Variants in CACNB2 observed in about 807,000 individuals in gnomAD.
CACNB2 encodes the protein calcium voltage-gated channel auxiliary subunit beta 2.
CACNB2 carries 42 observed loss-of-function variants against 73.3 expected under a neutral mutation model. The observed-to-expected ratio is 0.57, with a 90% CI of 0.45 to 0.74. The LOEUF is 0.74. Among genes scored for constraint, CACNB2 ranks in the 30% least tolerant of loss-of-function variants. The pLI is 0.00. For missense variants in CACNB2, 940 were observed against 853.0 expected (o/e 1.10, Z -1.27); for synonymous variants, 348 against 310.3 (o/e 1.12, Z -1.28).
intron 2 of CACNB2, among the ~76,000 whole-genome samples, chr10:18,324,820 C>T (rs1478308232): frequency 1.3e-5 from 2 of 152,206 alleles, no homozygotes; most frequent in African/African-American, 2.4e-5. Flanking sequence ...TGTGCCATTG[C>T]ACCCCAGCCT....
chr10:18,401,242 C>T (rs1391725665), intron 2 of CACNB2: 1 of 1,037,726 alleles, frequency 9.6e-7, no homozygotes, highest in Non-Finnish European at 1.4e-6. Flanking sequence ...GGAGATTCCT[C>T]TCATTTTTTG....
intron 3 of CACNB2, among the ~76,000 whole-genome samples, chr10:18,407,222 A>G (rs1224779888): frequency 7.0e-6 from 1 of 143,172 alleles, no homozygotes; most frequent in Non-Finnish European, 1.5e-5. Flanking sequence ...CCCGGGTTCA[A>G]GCGATTCTCA....
intron 2 of CACNB2, among the ~76,000 whole-genome samples, chr10:18,355,636 T>TA (rs2041875961): frequency 1.3e-5 from 2 of 151,778 alleles, no homozygotes; most frequent in Non-Finnish European, 1.5e-5. Context: ...TTCTCTTTTT[T>TA]TTTTTTTTTT....
chr10:18,445,201 G>A (rs1178142062), intron 3 of CACNB2, among the ~76,000 whole-genome samples: 4 of 152,102 alleles, frequency 2.6e-5, no homozygotes, highest in African/African-American at 7.2e-5. Flanking sequence ...GGGGGAATTT[G>A]AACACATCTG....
At chr10:18,160,519 T>C (rs1017757269) in intron 2 of CACNB2, among the ~76,000 whole-genome samples, 2 of 152,150 alleles carry the variant, frequency 1.3e-5, no homozygotes, top group Non-Finnish European at 2.9e-5. Context: ...CCTTACTAGA[T>C]TGGTTGAAAG....
Position 18,220,222 on chromosome 10 carries a change from TATATATATATAGAGAGAGAGAG to T in CACNB2, c.213+69249_213+69270del, listed in dbSNP as rs1354495945. ...GTGTGTATATATATATATATATATATATATATATATAGAGAGAGAGAGAGAGAGAGAGAGAGAGAGAGAGAGA... is the reference window on the plus strand; with the variant it reads ...GTGTGTATATATATATATATATATATAGAGAGAGAGAGAGAGAGAGAGAGA... On this transcript the variant is annotated intron_variant, in intron 2 of 13. Coordinates refer to ENST00000324631, the MANE Select transcript of CACNB2 (RefSeq NM_201596.3). 1.9e-4 allele frequency among the ~76,000 whole-genome samples: 9 copies of T among 48,262 alleles called. No homozygotes were observed. The Admixed American group carries it at 2.0e-3, about 11-fold the overall frequency. 31.7% of individuals were successfully genotyped at this position (48,262 alleles called of 152,430 possible). A position where few individuals can be genotyped will look rare whatever the true frequency, so the allele number is the denominator to read the frequency against.
intron 2 of CACNB2, among the ~76,000 whole-genome samples, chr10:18,246,386 C>G (rs536930666): frequency 6.6e-6 from 1 of 151,962 alleles, no homozygotes; most frequent in Non-Finnish European, 1.5e-5. Flanking sequence ...GGATAAGGCT[C>G]CTAGTTCTCT....
At chr10:18,188,832 A>T (rs2131255625) in intron 2 of CACNB2, among the ~76,000 whole-genome samples, 1 of 152,314 alleles carries the variant, frequency 6.6e-6, no homozygotes, top group African/African-American at 2.4e-5. Flanking sequence ...TAGTGAGATC[A>T]CCACTGTTAA....
intron 2 of CACNB2, among the ~76,000 whole-genome samples, chr10:18,366,910 T>A (rs1476304851): frequency 6.6e-6 from 1 of 152,240 alleles, no homozygotes; most frequent in Non-Finnish European, 1.5e-5. Context: ...GAGCCTATTT[T>A]AAGAGCATTG....
At chr10:18,531,509 T>G (rs1056834683) in intron 10 of CACNB2, among the ~76,000 whole-genome samples, 51 of 152,202 alleles carry the variant, frequency 3.4e-4, no homozygotes, top group Admixed American at 2.2e-3. Context: ...ATGATTTATA[T>G]TTCTTTGGGT....
chr10:18,371,966 T>C (rs2042603902), intron 2 of CACNB2, among the ~76,000 whole-genome samples: 1 of 152,244 alleles, frequency 6.6e-6, no homozygotes, highest in Non-Finnish European at 1.5e-5. Flanking sequence ...ATGATGAGCA[T>C]TTTTTCATGT....
At chr10:18,173,081 T>G (rs1181717435) in intron 2 of CACNB2, among the ~76,000 whole-genome samples, 1 of 151,948 alleles carries the variant, frequency 6.6e-6, no homozygotes, top group Admixed American at 6.6e-5. Context: ...CAACCATGAC[T>G]GGCTAATTTT....
chr10:18,471,167 A>G (rs1038387471), intron 3 of CACNB2, among the ~76,000 whole-genome samples: 1 of 152,200 alleles, frequency 6.6e-6, no homozygotes, highest in South Asian at 2.1e-4. Flanking sequence ...TTAGCTGGGC[A>G]TGGTGGCGGG....
At chr10:18,394,825 T>C (rs891837166) in intron 2 of CACNB2, among the ~76,000 whole-genome samples, 4 of 152,226 alleles carry the variant, frequency 2.6e-5, no homozygotes, top group Non-Finnish European at 4.4e-5. Flanking sequence ...TTATCCTCAT[T>C]ATGAGTATAA....
chr10:18,269,902 T>C (rs570281600), intron 2 of CACNB2, among the ~76,000 whole-genome samples: 7 of 152,348 alleles, frequency 4.6e-5, no homozygotes, highest in African/African-American at 1.7e-4. Context: ...CATTCAATCA[T>C]GTTCGATCAT....
chr10:18,381,611 C>A (rs895221810), intron 2 of CACNB2, among the ~76,000 whole-genome samples: 2 of 149,418 alleles, frequency 1.3e-5, no homozygotes, highest in Non-Finnish European at 2.9e-5. Context: ...TTGCTTGAAC[C>A]TGGGAGGTGG....
intron 2 of CACNB2, among the ~76,000 whole-genome samples, chr10:18,208,050 G>C (rs146021905): frequency 2.8e-4 from 43 of 152,270 alleles, no homozygotes; most frequent in African/African-American, 8.7e-4. Flanking sequence ...ACGAATATTA[G>C]TTGCATCTTT....
At chr10:18,311,393 T>C (rs2039959943) in intron 2 of CACNB2, among the ~76,000 whole-genome samples, 1 of 152,092 alleles carries the variant, frequency 6.6e-6, no homozygotes, top group Non-Finnish European at 1.5e-5. Context: ...TAGACAAACC[T>C]TGAGCAATGT....
Position 18,270,199 on chromosome 10 carries a change from G to A in CACNB2, c.213+119224G>A, listed in dbSNP as rs2037990178. On this transcript the variant is annotated intron_variant, in intron 2 of 13. Coordinates refer to ENST00000324631, the MANE Select transcript of CACNB2 (RefSeq NM_201596.3). ...CGGCAGGAGAGAGTAGAGAGCAAAG[G>A]GGGAAGAACCCCTTATAAAACCATC... is the stretch of plus-strand genomic sequence containing the variant. 4.6e-5 allele frequency among the ~76,000 whole-genome samples: 7 copies of A among 152,224 alleles called. 1 individual carries two copies. The South Asian group carries it at 1.5e-3, about 32-fold the overall frequency.
Sources: gnomAD v4.1 joint callset for allele counts (sites outside exome capture counted in the v4.1 genomes callset) on GRCh38, gnomAD v4.1.1 for gene constraint, MANE v1.5 for transcripts, NCBI Gene and HGNC (gene_info 2026-07-23, HGNC 2026-07-21) for gene names.